The following RTTN variants were observed in gnomAD, a reference collection of about 807,000 sequenced individuals.
RTTN encodes rotatin.
In RTTN, 182 loss-of-function variants were observed where a neutral mutation model predicts 269.2. The observed-to-expected ratio is 0.68, with a 90% CI of 0.60 to 0.76. The LOEUF is 0.76. Ranked by LOEUF, RTTN falls within the 30% of genes least tolerant of loss-of-function variation. RTTN has a pLI of 0.00. For missense variants in RTTN, 2,545 were observed against 2,608.6 expected, an observed-to-expected ratio of 0.98 and a Z score of 0.53; for synonymous variants, 1,006 against 963.5, an observed-to-expected ratio of 1.04 and a Z score of -0.82.
intron 10 of RTTN, among the ~76,000 whole-genome samples, chr18:70,186,372 G>A (rs2061547281): frequency 2.0e-5 from 3 of 152,060 alleles, no homozygotes; most frequent in African/African-American, 7.2e-5. Context: ...AAAATAACTG[G>A]GTTTGTTATA....
intron 40 of RTTN, among the ~76,000 whole-genome samples, chr18:70,035,683 T>G (rs985978281): frequency 6.6e-6 from 1 of 152,094 alleles, no homozygotes; most frequent in Non-Finnish European, 1.5e-5. Flanking sequence ...GAAAAGCAAC[T>G]GCAACAAAAG....
intron 38 of RTTN, among the ~76,000 whole-genome samples, chr18:70,052,716 T>C (rs2057709048): frequency 6.7e-6 from 1 of 150,334 alleles, no homozygotes; most frequent in Non-Finnish European, 1.5e-5. Context: ...AACAGCAATA[T>C]AATAAATTCT....
Position 70,015,619 on chromosome 18 carries a change from C to T in RTTN, c.6421+1788G>A, listed in dbSNP as rs116828948. ...ACCCCTGCCTGAAAAGCCCACTGAT[C>T]TCTAGTCTGTGGGCTAGGGGAAGCT... On this transcript the variant is annotated intron_variant, in intron 46 of 48. Transcript: ENST00000640769. Among the ~76,000 whole-genome samples the T allele has an allele frequency of 6.9e-3, 1,045 of 152,274 alleles. 8 individuals are homozygous for T. Among genetic ancestry groups the T allele is most frequent in the African/African-American group, 0.024 (981 of 41,542 alleles).
At chr18:70,151,583 T>C (rs1461992543) in intron 14 of RTTN, among the ~76,000 whole-genome samples, 7 of 152,132 alleles carry the variant, frequency 4.6e-5, no homozygotes, top group Non-Finnish European at 1.0e-4. Context: ...TGTATTTGCA[T>C]ACATTATTTT....
chr18:70,092,574 A>G (rs1272635678), intron 29 of RTTN, 102 bp downstream of exon 29: 1 of 1,325,662 alleles, frequency 7.5e-7, no homozygotes, highest in African/African-American at 1.5e-5. Context: ...AAGTCAAAAG[A>G]GACATTTTCA....
chr18:70,146,191 C>G (rs577172189), intron 17 of RTTN, among the ~76,000 whole-genome samples: 8 of 152,160 alleles, frequency 5.3e-5, no homozygotes, highest in Non-Finnish European at 1.2e-4. Context: ...AGAGTAATGA[C>G]GCTCATAATG....
At position 70,150,596 on chromosome 18, in the gene RTTN, T is replaced by G. The variant is rs1420715779; in HGVS notation, c.2055+12A>C. 6.2e-7 allele frequency: 1 copy of G among 1,610,932 alleles called. No homozygotes were observed. Among genetic ancestry groups the G allele is most frequent in the East Asian group, 2.2e-5 (1 of 44,720 alleles). The stretch of plus-strand genomic sequence containing the variant: ...GTTACTGTAATATTTTCACTCATGT[T>G]TAATGTCATACCTCACTTTCGGGCT... On this transcript the variant is annotated intron_variant, in intron 15 of 48. Transcript: ENST00000640769.
chr18:70,188,294 T>G, intron 9 of RTTN, 71 bp from the exon 10 acceptor site: 1 of 803,318 alleles, frequency 1.2e-6, no homozygotes, highest in Non-Finnish European at 2.1e-6. Flanking sequence ...CTGAATATCA[T>G]ATTGCTCAAT....
chr18:70,004,215 T>C lies in RTTN; in HGVS notation c.6617A>G (p.Asn2206Ser), dbSNP rs575055101. ...TTTCAAATAATAGGCATTTAGAGGG[T>C]TTGCTTCTGAGTTTGGGAAAGCTGA... ...AKKTFPNSEA[N>S]PLNAYYLKCL... Residue 2206 changes from asparagine (N) to serine (S), a missense_variant, in exon 49 of 49, where the codon AAC becomes AGC. By Grantham distance (46) the Asn-to-Ser change is conservative. Coordinates refer to ENST00000640769, the MANE Select transcript of RTTN (RefSeq NM_173630.4). The C allele has an allele frequency of 3.7e-6, 6 of 1,613,574 alleles. 1 individual carries two copies. In the South Asian group the frequency reaches 5.5e-5, roughly 15 times the overall value.
At chr18:70,105,441 C>G (rs1459743476) in intron 28 of RTTN, among the ~76,000 whole-genome samples, 1 of 152,252 alleles carries the variant, frequency 6.6e-6, no homozygotes, top group Non-Finnish European at 1.5e-5. Flanking sequence ...ACCTCTTACG[C>G]TTCCTGGGTG....
intron 46 of RTTN, among the ~76,000 whole-genome samples, chr18:70,016,356 C>T (rs114822128): frequency 1.3e-5 from 2 of 152,158 alleles, no homozygotes; most frequent in Non-Finnish European, 2.9e-5. Flanking sequence ...CCAGAAATAG[C>T]GCTAGGCACT....
chr18:70,040,043 A>C (rs1394550551), intron 40 of RTTN, among the ~76,000 whole-genome samples: 1 of 51,764 alleles, frequency 1.9e-5, no homozygotes, highest in East Asian at 2.4e-3. Flanking sequence ...AAAGAAAGAC[A>C]GAAGGAATTA....
rs776321170 is a variant in RTTN, at chr18:70,051,545, TTATC to T, written c.5186-1_5188del. ...GTGATAAAAAGCTGATATTAACTCT[TTATC>T]TATAAAATTAATCAAAACACTTCAA... On this transcript the variant is annotated splice_acceptor_variant and coding_sequence_variant, in exon 39 of 49. Coordinates refer to ENST00000640769, the MANE Select transcript of RTTN (RefSeq NM_173630.4). LOFTEE classifies it high-confidence loss of function. 16 of 1,594,386 alleles carry T rather than the reference TTATC, an allele frequency of 1.0e-5. No homozygotes were observed. Among genetic ancestry groups the T allele is most frequent in the East Asian group, 4.5e-5 (2 of 44,652 alleles).
rs1406583354 is a variant in RTTN, at chr18:70,205,626, A to C, written c.31+2T>G. 6.2e-7 allele frequency: 1 copy of C among 1,614,052 alleles called. No individual in the cohort carries two copies. Among genetic ancestry groups the C allele is most frequent in the Non-Finnish European group, 8.5e-7 (1 of 1,180,002 alleles). On this transcript the variant is annotated splice_donor_variant, in intron 1 of 48. Coordinates refer to ENST00000640769, the MANE Select transcript of RTTN (RefSeq NM_173630.4). LOFTEE classifies it high-confidence loss of function. The stretch of plus-strand genomic sequence containing the variant: ...TTGGGCGAGGGGCAAGCTGACAGTT[A>C]CCGAGTTTCCTGATGAGCCCTGCCA...
chr18:70,116,916 C>CA (rs5825991), intron 26 of RTTN, among the ~76,000 whole-genome samples: 129,057 of 151,864 alleles, frequency 0.85, 57,069 homozygotes, highest in East Asian at 1. Context: ...GAACTTCCAT[C>CA]AAAAAAATGC....
At position 70,006,473 on chromosome 18, in the gene RTTN, T is replaced by C. The variant is rs996914209; in HGVS notation, c.6433A>G (p.Thr2145Ala). Residue 2145 changes from threonine to alanine, a missense_variant, in exon 47 of 49, where the codon ACT becomes GCT. By Grantham distance (58) the Thr-to-Ala change is moderately conservative (BLOSUM62 0). Transcript: ENST00000640769. ...PKILANEKVI[T>A]VLAACLESEN... Reference sequence around the variant, plus strand: ...CTTTCCAGACAGGCAGCAAGCACAGTAATGACTTTTTCTAAAAATGAACAT... The same window carrying C: ...CTTTCCAGACAGGCAGCAAGCACAGCAATGACTTTTTCTAAAAATGAACAT... 2 of 1,613,260 alleles carry C rather than the reference T, an allele frequency of 1.2e-6. No homozygotes were observed. Among genetic ancestry groups the C allele is most frequent in the Admixed American group, 1.7e-5 (1 of 60,008 alleles).
intron 44 of RTTN, among the ~76,000 whole-genome samples, chr18:70,024,284 A>T (rs1369290): frequency 1.3e-5 from 2 of 152,094 alleles, no homozygotes; most frequent in African/African-American, 2.4e-5. Flanking sequence ...TAAAGTGTCT[A>T]TCAAGTGCAT....
intron 40 of RTTN, among the ~76,000 whole-genome samples, chr18:70,042,111 T>A (rs1283934262): frequency 6.7e-6 from 1 of 150,300 alleles, no homozygotes; most frequent in East Asian, 2.0e-4. Flanking sequence ...CAAAGAGAGA[T>A]TACATAGCGA....
At chr18:70,042,366 C>CTTTTTT (rs1017125527) in intron 40 of RTTN, among the ~76,000 whole-genome samples, 16 of 78,068 alleles carry the variant, frequency 2.0e-4, no homozygotes, top group African/African-American at 3.4e-4. Context: ...TTGGAATTTT[C>CTTTTTT]TTTTTTTTTT....
Sources: allele counts gnomAD v4.1 joint callset (sites outside exome capture counted in the v4.1 genomes callset), GRCh38; gene constraint gnomAD v4.1.1; transcripts MANE v1.5; gene names NCBI Gene and HGNC (gene_info 2026-07-23, HGNC 2026-07-21).